SOBP: variants seen among roughly 807,000 people sequenced by gnomAD.
The protein encoded by SOBP is sine oculis-binding protein homolog.
Under a neutral mutation model 53.6 loss-of-function variants are expected in SOBP, and 4 were observed. The observed-to-expected ratio is 0.07, with a 90% confidence interval of 0.04 to 0.17. The LOEUF is 0.17. SOBP is among the 10% of genes least tolerant of loss of function. The probability of loss-of-function intolerance (pLI) is 1.00; values close to 1 mark genes in which losing one functional copy is unlikely to be tolerated. For missense variants in SOBP, 1,088 were observed against 1,204.7 expected (o/e 0.90, Z 1.43); for synonymous variants, 584 against 522.6 (o/e 1.12, Z -1.60).
chr6:107,569,368 C>G (rs923677749), intron 4 of SOBP, among the ~76,000 whole-genome samples: 6 of 152,156 alleles, frequency 3.9e-5, no homozygotes, highest in Non-Finnish European at 5.9e-5. Flanking sequence ...AAATAAAGCA[C>G]CAGTGGATAC....
At chr6:107,527,903 A>G in intron 3 of SOBP, among the ~76,000 whole-genome samples, 1 of 152,182 alleles carries the variant, frequency 6.6e-6, no homozygotes. Context: ...TCATATTCAT[A>G]CTTAAAAGGC....
chr6:107,523,144 C>A (rs1410756712), intron 3 of SOBP, among the ~76,000 whole-genome samples: 2 of 152,162 alleles, frequency 1.3e-5, no homozygotes, highest in African/African-American at 4.8e-5. Flanking sequence ...TAACTGGAGT[C>A]ATAAGAATAC....
At chr6:107,620,780 C>A (rs1375633108) in intron 5 of SOBP, among the ~76,000 whole-genome samples, 2 of 152,160 alleles carry the variant, frequency 1.3e-5, no homozygotes, top group African/African-American at 4.8e-5. Flanking sequence ...CACCATATTT[C>A]TTTTTTCTGT....
At chr6:107,589,868 C>T (rs1785689022) in intron 5 of SOBP, among the ~76,000 whole-genome samples, 1 of 152,216 alleles carries the variant, frequency 6.6e-6, no homozygotes, top group South Asian at 2.1e-4. Flanking sequence ...CACACACACA[C>T]ACGGGTGTTT....
At chr6:107,605,002 T>C (rs1347320893) in intron 5 of SOBP, among the ~76,000 whole-genome samples, 4 of 152,158 alleles carry the variant, frequency 2.6e-5, no homozygotes, top group Non-Finnish European at 5.9e-5. Flanking sequence ...TGGCCTCACT[T>C]CCCTTCAGGT....
intron 5 of SOBP, among the ~76,000 whole-genome samples, chr6:107,591,080 CA>C (rs1237259865): frequency 1.3e-5 from 2 of 152,196 alleles, no homozygotes; most frequent in East Asian, 3.8e-4. Flanking sequence ...GGACTTTATA[CA>C]CTGTCATCCT....
chr6:107,535,383 C>T (rs1016512308), intron 4 of SOBP, among the ~76,000 whole-genome samples: 3 of 152,194 alleles, frequency 2.0e-5, no homozygotes, highest in African/African-American at 7.2e-5. Context: ...ATACTTACAG[C>T]AGGTAAAGTC....
intron 3 of SOBP, among the ~76,000 whole-genome samples, chr6:107,510,192 C>A (rs1285598539): frequency 6.6e-6 from 1 of 152,116 alleles, no homozygotes; most frequent in Non-Finnish European, 1.5e-5. Context: ...AATACATAAA[C>A]AAATAGGTGT....
chr6:107,513,725 A>G (rs1315853472), intron 3 of SOBP, among the ~76,000 whole-genome samples: 1 of 103,020 alleles, frequency 9.7e-6, no homozygotes. Flanking sequence ...TGCAATTCTC[A>G]AAAAAAAAAA....
At chr6:107,518,031 A>T (rs1177579898) in intron 3 of SOBP, among the ~76,000 whole-genome samples, 3 of 152,210 alleles carry the variant, frequency 2.0e-5, no homozygotes, top group Non-Finnish European at 4.4e-5. Flanking sequence ...TACAAATAAA[A>T]AAAGAAAAAA....
rs961126451 is a variant in SOBP, at chr6:107,533,928, A to G, written c.573+318A>G. On this transcript the variant is annotated intron_variant, in intron 4 of 6. Transcript: ENST00000317357. ...GCAGACTGCACTCTGAGTACATGAA[A>G]GATAAGTGGTAGATATTTCTTTAAA... Among the ~76,000 whole-genome samples, 3 of 152,198 alleles carry G rather than the reference A, an allele frequency of 2.0e-5. No homozygotes were observed. The East Asian group carries it at 5.8e-4, about 29-fold the overall frequency.
intron 3 of SOBP, among the ~76,000 whole-genome samples, chr6:107,510,176 A>G (rs1223746740): frequency 6.6e-6 from 1 of 152,244 alleles, no homozygotes; most frequent in African/African-American, 2.4e-5. Flanking sequence ...AAAGACAGCC[A>G]TAGATAATAC....
intron 1 of SOBP, among the ~76,000 whole-genome samples, chr6:107,498,968 C>T (rs1218116992): frequency 6.6e-6 from 1 of 152,090 alleles, no homozygotes; most frequent in Non-Finnish European, 1.5e-5. Flanking sequence ...TGAGGAGATT[C>T]CATTTTAATT....
At chr6:107,606,064 A>G (rs1227043003) in intron 5 of SOBP, among the ~76,000 whole-genome samples, 8 of 130,308 alleles carry the variant, frequency 6.1e-5, no homozygotes, top group Non-Finnish European at 1.3e-4. Flanking sequence ...TAGATCAGAT[A>G]GGCTCCTTTT....
chr6:107,621,147 AG>A, intron 5 of SOBP: 1 of 852,784 alleles, frequency 1.2e-6, no homozygotes, highest in Non-Finnish European at 1.4e-6. Flanking sequence ...AATTTATTGG[AG>A]GAAAGGAGCT....
chr6:107,503,405 A>G (rs1583147729), intron 1 of SOBP, among the ~76,000 whole-genome samples: 1 of 152,342 alleles, frequency 6.6e-6, no homozygotes, highest in East Asian at 1.9e-4. Context: ...AACACTAACA[A>G]ATATAGTTAG....
chr6:107,525,149 A>C (rs569635027), intron 3 of SOBP, among the ~76,000 whole-genome samples: 2 of 152,316 alleles, frequency 1.3e-5, no homozygotes, highest in East Asian at 1.9e-4. Context: ...GATTTTCCTT[A>C]GTCTGAAGCT....
intron 4 of SOBP, among the ~76,000 whole-genome samples, chr6:107,574,462 C>G (rs968539750): frequency 1.3e-5 from 2 of 152,102 alleles, no homozygotes; most frequent in African/African-American, 4.8e-5. Context: ...TGAGCTGACT[C>G]TTACTTTGAT....
chr6:107,543,916 T>G (rs1241004294), intron 4 of SOBP, among the ~76,000 whole-genome samples: 1 of 152,222 alleles, frequency 6.6e-6, no homozygotes, highest in African/African-American at 2.4e-5. Flanking sequence ...CTTTTCAGAC[T>G]TTAGAACATG....
Sources: gnomAD v4.1 joint callset for allele counts (sites outside exome capture counted in the v4.1 genomes callset) on GRCh38, gnomAD v4.1.1 for gene constraint, MANE v1.5 for transcripts, NCBI Gene and HGNC (gene_info 2026-07-23, HGNC 2026-07-21) for gene names.